ITFG1: variants seen among roughly 807,000 people sequenced by gnomAD.
ITFG1 encodes integrin alpha FG-GAP repeat containing 1.
ITFG1 carries 34 observed loss-of-function variants against 81.8 expected under a neutral mutation model. The ratio of observed to expected loss-of-function variants is 0.42; its 90% CI spans 0.32 to 0.55. The LOEUF (loss-of-function observed/expected upper bound fraction) is 0.55, where lower values mean the gene tolerates loss of function less well. Among genes scored for constraint, ITFG1 ranks in the 20% least tolerant of loss-of-function variants. The pLI is 0.17. For synonymous variants in ITFG1, 285 were observed against 270.6 expected (o/e 1.05, Z -0.52); for missense variants, 672 against 755.4 (o/e 0.89, Z 1.29).
At chr16:47,227,047 C>T (rs954282551) in intron 13 of ITFG1, among the ~76,000 whole-genome samples, 2 of 152,232 alleles carry the variant, frequency 1.3e-5, no homozygotes, top group South Asian at 2.1e-4. Flanking sequence ...CTCTTCTACA[C>T]CATCTGTATA....
chr16:47,246,116 T>G (rs1190360458), intron 12 of ITFG1, among the ~76,000 whole-genome samples: 1 of 152,236 alleles, frequency 6.6e-6, no homozygotes, highest in Admixed American at 6.5e-5. Context: ...ATTAATCACA[T>G]AATACAATTC....
chr16:47,157,988 T>G (rs1964741535), intron 17 of ITFG1, among the ~76,000 whole-genome samples: 1 of 152,238 alleles, frequency 6.6e-6, no homozygotes, highest in Non-Finnish European at 1.5e-5. Context: ...ATAAAAATCT[T>G]TTACATATTT....
chr16:47,385,348 T>G (rs534056018), intron 6 of ITFG1, among the ~76,000 whole-genome samples: 5 of 152,296 alleles, frequency 3.3e-5, no homozygotes, highest in African/African-American at 9.6e-5. Context: ...ACTTAACAAT[T>G]ATAAAAATTG....
chr16:47,305,069 T>C (rs890240227), intron 10 of ITFG1, among the ~76,000 whole-genome samples: 3 of 152,184 alleles, frequency 2.0e-5, no homozygotes, highest in Non-Finnish European at 4.4e-5. Context: ...GTGCACTTCA[T>C]GGACATATGG....
At chr16:47,346,183 G>A (rs1435082249) in intron 8 of ITFG1, among the ~76,000 whole-genome samples, 4 of 152,138 alleles carry the variant, frequency 2.6e-5, no homozygotes, top group African/African-American at 9.7e-5. Context: ...CCATATGGTA[G>A]GCTGCAAAAC....
intron 13 of ITFG1, among the ~76,000 whole-genome samples, chr16:47,233,799 G>A (rs1042678946): frequency 1.1e-4 from 17 of 152,182 alleles, no homozygotes; most frequent in Admixed American, 1.3e-4. Flanking sequence ...ATGACAAGAT[G>A]ACAGAACACT....
intron 6 of ITFG1, among the ~76,000 whole-genome samples, chr16:47,409,620 T>C (rs79303865): frequency 6.7e-6 from 1 of 149,808 alleles, no homozygotes; most frequent in African/African-American, 2.5e-5. Flanking sequence ...AGTTTCACCA[T>C]GTTGGCCAGA....
intron 14 of ITFG1, among the ~76,000 whole-genome samples, chr16:47,178,766 A>C (rs1270425466): frequency 6.6e-6 from 1 of 152,216 alleles, no homozygotes; most frequent in Admixed American, 6.5e-5. Context: ...CAGCAAAAGA[A>C]ACTACCATCA....
At chr16:47,262,860 A>C (rs1367112329) in intron 10 of ITFG1, 3 of 153,044 alleles carry the variant, frequency 2.0e-5, no homozygotes, top group Non-Finnish European at 4.4e-5. Flanking sequence ...AGGAGCAGGG[A>C]ATCAAAATGC....
At chr16:47,439,903 G>C (rs888488535) in intron 5 of ITFG1, among the ~76,000 whole-genome samples, 5 of 152,178 alleles carry the variant, frequency 3.3e-5, no homozygotes, top group Non-Finnish European at 5.9e-5. Context: ...ATTGGATAAA[G>C]ATTCAAGACC....
chr16:47,221,554 T>C (rs891533870), intron 13 of ITFG1, among the ~76,000 whole-genome samples: 5 of 152,208 alleles, frequency 3.3e-5, no homozygotes, highest in African/African-American at 1.2e-4. Flanking sequence ...CTTTTTTGCT[T>C]GTGTCTCTGC....
chr16:47,441,819 G>T (rs1442217656), intron 5 of ITFG1, among the ~76,000 whole-genome samples: 3 of 152,102 alleles, frequency 2.0e-5, no homozygotes, highest in African/African-American at 7.2e-5. Context: ...AGTGTTGGAA[G>T]TTCTGGCCAG....
chr16:47,204,095 T>C (rs1422004208), intron 14 of ITFG1, among the ~76,000 whole-genome samples: 1 of 152,198 alleles, frequency 6.6e-6, no homozygotes, highest in Non-Finnish European at 1.5e-5. Flanking sequence ...CTGCCAAATA[T>C]GGTGGTGATG....
intron 6 of ITFG1, among the ~76,000 whole-genome samples, chr16:47,376,795 C>A (rs539128605): frequency 2.0e-5 from 3 of 151,874 alleles, no homozygotes; most frequent in Admixed American, 2.0e-4. Flanking sequence ...ATGGTGAAAC[C>A]CCATCGCTAC....
At chr16:47,244,513 C>T (rs1965974092) in intron 12 of ITFG1, among the ~76,000 whole-genome samples, 1 of 151,264 alleles carries the variant, frequency 6.6e-6, no homozygotes, top group Admixed American at 6.6e-5. Flanking sequence ...GTTGTAGTGA[C>T]TGTGTGAGAG....
chr16:47,236,443 G>C (rs1965874536), intron 13 of ITFG1, among the ~76,000 whole-genome samples: 2 of 143,440 alleles, frequency 1.4e-5, no homozygotes, highest in Non-Finnish European at 3.0e-5. Context: ...CCACTGCACT[G>C]CAGCCTGGGG....
chr16:47,180,728 C>T (rs1193251974), intron 14 of ITFG1, among the ~76,000 whole-genome samples: 8 of 152,152 alleles, frequency 5.3e-5, no homozygotes, highest in South Asian at 2.1e-4. Context: ...GATCTCAGCT[C>T]GCTACAACCT....
chr16:47,339,915 C>T (rs929254417), intron 8 of ITFG1, among the ~76,000 whole-genome samples: 1 of 151,968 alleles, frequency 6.6e-6, no homozygotes, highest in Non-Finnish European at 1.5e-5. Flanking sequence ...CCAAGACACA[C>T]AGCCAAACTA....
chr16:47,159,335 A>G (rs1417186652), intron 16 of ITFG1, among the ~76,000 whole-genome samples: 3 of 152,136 alleles, frequency 2.0e-5, no homozygotes, highest in Non-Finnish European at 4.4e-5. Flanking sequence ...TCTTTTTTAC[A>G]TCTTGATTTA....
Sources: gnomAD v4.1 joint callset for allele counts (sites outside exome capture counted in the v4.1 genomes callset) on GRCh38, gnomAD v4.1.1 for gene constraint, MANE v1.5 for transcripts, NCBI Gene and HGNC (gene_info 2026-07-23, HGNC 2026-07-21) for gene names.